Variants in ZNF277 observed in about 807,000 individuals in gnomAD.
ZNF277 encodes nuclear receptor-interacting factor 4.
Under a neutral mutation model 60.7 loss-of-function variants are expected in ZNF277, and 55 were observed. The observed-to-expected ratio is 0.91, with a 90% CI of 0.73 to 1.13. ZNF277 has a LOEUF of 1.13. Ranked by LOEUF, ZNF277 falls within the 50% of genes most tolerant of loss-of-function variation. ZNF277 has a pLI of 0.00. For synonymous variants in ZNF277, 178 were observed against 179.3 expected (o/e 0.99, Z 0.06); for missense variants, 510 against 523.0 (o/e 0.98, Z 0.24).
At position 112,286,942 on chromosome 7, in the gene ZNF277, G is replaced by A. The variant is rs761936072; in HGVS notation, c.161G>A (p.Gly54Asp). Residue 54 changes from glycine to aspartate, a missense_variant, in exon 2 of 12, where the codon GGT (glycine) becomes GAT (aspartate). Transcript: ENST00000361822. ...CCAGGTGGCACCACCACTTTAGAAGGTTCTCCATCTGTGCCTTGTATTTTC... is the reference window on the plus strand; with the variant it reads ...CCAGGTGGCACCACCACTTTAGAAGATTCTCCATCTGTGCCTTGTATTTTC... Reference protein sequence around the residue: ...ESPGGTTTLEGSPSVPCIFCE... With the variant: ...ESPGGTTTLEDSPSVPCIFCE... 34 of 1,607,186 alleles carry A rather than the reference G, an allele frequency of 2.1e-5. No homozygotes were observed. The South Asian group carries it at 3.0e-4, about 14-fold the overall frequency.
At chr7:112,236,213 C>T (rs1320702396) in intron 1 of ZNF277, among the ~76,000 whole-genome samples, 2 of 152,024 alleles carry the variant, frequency 1.3e-5, no homozygotes, top group African/African-American at 4.8e-5. Context: ...ATATCTTTGA[C>T]ATAACCTGCT....
At chr7:112,331,079 G>A (rs1584417235) in intron 7 of ZNF277, among the ~76,000 whole-genome samples, 1 of 152,146 alleles carries the variant, frequency 6.6e-6, no homozygotes, top group East Asian at 1.9e-4. Context: ...TTTTACTATG[G>A]AAGGGGATTT....
At chr7:112,306,416 T>C (rs865809424) in intron 4 of ZNF277, among the ~76,000 whole-genome samples, 2 of 152,106 alleles carry the variant, frequency 1.3e-5, no homozygotes, top group South Asian at 2.1e-4. Context: ...GGTTTCACCA[T>C]GTTGGCCAGG....
chr7:112,304,748 A>G (rs560645545), intron 4 of ZNF277, among the ~76,000 whole-genome samples: 10 of 152,322 alleles, frequency 6.6e-5, no homozygotes, highest in Admixed American at 5.2e-4. Flanking sequence ...TGGCAGACAG[A>G]ACAAGAGGAG....
At chr7:112,284,703 T>A (rs1313393669) in intron 1 of ZNF277, among the ~76,000 whole-genome samples, 1 of 152,238 alleles carries the variant, frequency 6.6e-6, no homozygotes, top group East Asian at 1.9e-4. Flanking sequence ...CCTTCTCTGA[T>A]ATTAATTTTG....
At chr7:112,240,196 G>A (rs1350875869) in intron 1 of ZNF277, among the ~76,000 whole-genome samples, 1 of 152,030 alleles carries the variant, frequency 6.6e-6, no homozygotes, top group Non-Finnish European at 1.5e-5. Context: ...AAAGAAGGAA[G>A]GGAAGACTAC....
Position 112,339,835 on chromosome 7 carries a change from T to G in ZNF277, c.967-8T>G. ...ATATGCTTACAGATGTATTCATTCC[T>G]TTTTTAGGATGCACACGAATTTGAT... is the stretch of plus-strand genomic sequence containing the variant. On this transcript the variant is annotated splice_polypyrimidine_tract_variant and splice_region_variant and intron_variant, in intron 9 of 11. Coordinates refer to ENST00000361822, the MANE Select transcript of ZNF277 (RefSeq NM_021994.3). 1 of 1,610,790 alleles carries G rather than the reference T, an allele frequency of 6.2e-7. No homozygotes were observed. The highest frequency in any genetic ancestry group is 8.5e-7 in the Non-Finnish European group (1 of 1,178,406).
chr7:112,334,896 T>G (rs1793300884), intron 7 of ZNF277, among the ~76,000 whole-genome samples: 1 of 152,178 alleles, frequency 6.6e-6, no homozygotes, highest in East Asian at 1.9e-4. Context: ...TTTTTGGTGT[T>G]CTGTAATGAG....
At chr7:112,285,811 G>A (rs192925291) in intron 1 of ZNF277, among the ~76,000 whole-genome samples, 2 of 152,234 alleles carry the variant, frequency 1.3e-5, no homozygotes, top group Admixed American at 6.5e-5. Context: ...TTAAAAAGAA[G>A]ATAAAGTAAG....
intron 1 of ZNF277, among the ~76,000 whole-genome samples, chr7:112,226,079 T>C (rs1822167400): frequency 6.6e-6 from 1 of 152,218 alleles, no homozygotes; most frequent in Non-Finnish European, 1.5e-5. Context: ...GGGTTTCTAG[T>C]GTTCCATGGA....
At chr7:112,223,153 C>T (rs1019197332) in intron 1 of ZNF277, among the ~76,000 whole-genome samples, 1 of 152,176 alleles carries the variant, frequency 6.6e-6, no homozygotes, top group Non-Finnish European at 1.5e-5. Context: ...TCTAGAGAAC[C>T]CTGACTAACG....
At chr7:112,233,841 A>T (rs1325457822) in intron 1 of ZNF277, among the ~76,000 whole-genome samples, 1 of 152,102 alleles carries the variant, frequency 6.6e-6, no homozygotes, top group East Asian at 1.9e-4. Context: ...TTCTAGTTGT[A>T]TTCTTTTCAA....
chr7:112,290,640 A>C (rs945707934), intron 2 of ZNF277, among the ~76,000 whole-genome samples: 1 of 152,160 alleles, frequency 6.6e-6, no homozygotes, highest in African/African-American at 2.4e-5. Flanking sequence ...AGCAAGTATA[A>C]ATGTGATTAA....
intron 4 of ZNF277, among the ~76,000 whole-genome samples, chr7:112,301,288 C>G (rs944148213): frequency 1.3e-5 from 2 of 152,040 alleles, no homozygotes; most frequent in Non-Finnish European, 2.9e-5. Context: ...CAAGAGCAAG[C>G]CATTGCGCCT....
At chr7:112,340,151 T>G (rs928017549) in intron 10 of ZNF277, among the ~76,000 whole-genome samples, 2 of 152,196 alleles carry the variant, frequency 1.3e-5, no homozygotes, top group African/African-American at 4.8e-5. Context: ...TAATAATATA[T>G]CATAAATTGG....
chr7:112,230,922 C>T (rs904250536), intron 1 of ZNF277, among the ~76,000 whole-genome samples: 1 of 152,080 alleles, frequency 6.6e-6, no homozygotes, highest in African/African-American at 2.4e-5. Context: ...TCTTTAAAAT[C>T]GTGTGTTTGT....
chr7:112,333,152 T>TAA (rs80295805), intron 7 of ZNF277, among the ~76,000 whole-genome samples: 13 of 145,666 alleles, frequency 8.9e-5, no homozygotes, highest in African/African-American at 2.2e-4. Context: ...ATACTTTATT[T>TAA]AAAAAAAAAA....
intron 2 of ZNF277, among the ~76,000 whole-genome samples, chr7:112,289,221 A>C (rs888021888): frequency 6.6e-6 from 1 of 152,208 alleles, no homozygotes; most frequent in Non-Finnish European, 1.5e-5. Context: ...ATTTTTGGAA[A>C]GATAGTTTAA....
intron 1 of ZNF277, among the ~76,000 whole-genome samples, chr7:112,220,840 A>G (rs1462201411): frequency 6.6e-6 from 1 of 152,082 alleles, no homozygotes; most frequent in African/African-American, 2.4e-5. Flanking sequence ...ATCATCTATC[A>G]CCTGAGAGCA....
Sources: allele counts gnomAD v4.1 joint callset (sites outside exome capture counted in the v4.1 genomes callset), GRCh38; gene constraint gnomAD v4.1.1; transcripts MANE v1.5; gene names NCBI Gene and HGNC (gene_info 2026-07-23, HGNC 2026-07-21).